Variants in SLC2A9 observed in about 807,000 individuals in gnomAD.
The protein encoded by SLC2A9 is solute carrier family 2 member 9, also known as solute carrier family 2, facilitated glucose transporter member 9.
In SLC2A9, 39 loss-of-function variants were observed where a neutral mutation model predicts 50.6. The ratio of observed to expected loss-of-function variants is 0.77; its 90% CI spans 0.60 to 1.01. SLC2A9 has a LOEUF of 1.01. Ranked by LOEUF, SLC2A9 falls within the 50% of genes least tolerant of loss-of-function variation. The probability of loss-of-function intolerance (pLI) is 0.00; values close to 1 mark genes in which losing one functional copy is unlikely to be tolerated. For missense variants in SLC2A9, 686 were observed against 677.6 expected, an observed-to-expected ratio of 1.01 and a Z score of -0.14; for synonymous variants, 324 against 276.9, an observed-to-expected ratio of 1.17 and a Z score of -1.69.
intron 3 of SLC2A9, among the ~76,000 whole-genome samples, chr4:9,817,074 C>T (rs1279344005): frequency 6.6e-6 from 1 of 152,162 alleles, no homozygotes; most frequent in Non-Finnish European, 1.5e-5. Flanking sequence ...CTTTTTCTCT[C>T]TCTCTCATCT....
intron 2 of SLC2A9, among the ~76,000 whole-genome samples, chr4:10,018,207 C>T (rs1189999766): frequency 1.3e-5 from 2 of 152,196 alleles, no homozygotes; most frequent in Non-Finnish European, 2.9e-5. Context: ...AAAGATGGGT[C>T]TTATCCAGCA....
intron 6 of SLC2A9, among the ~76,000 whole-genome samples, chr4:9,929,887 TG>T (rs1369616636): frequency 7.9e-5 from 12 of 152,166 alleles, no homozygotes; most frequent in Admixed American, 3.9e-4. Context: ...GTCAGCTCCC[TG>T]GTGAAAGCCT....
intron 5 of SLC2A9, among the ~76,000 whole-genome samples, chr4:9,963,294 G>A (rs1307112843): frequency 6.6e-6 from 1 of 152,166 alleles, no homozygotes; most frequent in Non-Finnish European, 1.5e-5. Flanking sequence ...GACACGTGGG[G>A]ATTATTACAA....
At chr4:10,001,268 G>A (rs1392573699) in intron 2 of SLC2A9, among the ~76,000 whole-genome samples, 1 of 152,116 alleles carries the variant, frequency 6.6e-6, no homozygotes, top group Non-Finnish European at 1.5e-5. Flanking sequence ...ATTAAAATGA[G>A]GTCACTAGAG....
intron 7 of SLC2A9, among the ~76,000 whole-genome samples, chr4:9,918,738 A>G (rs142792012): frequency 8.8e-4 from 134 of 152,222 alleles, no homozygotes; most frequent in African/African-American, 2.9e-3. Context: ...TTCTCACTGC[A>G]GGTTTGTGTC....
intron 1 of SLC2A9, among the ~76,000 whole-genome samples, chr4:10,026,759 A>G (rs1763765804): frequency 6.6e-6 from 1 of 152,194 alleles, no homozygotes; most frequent in Non-Finnish European, 1.5e-5. Flanking sequence ...GAACCCAGAC[A>G]CAGGCCGGGC....
rs773969916 is a variant in SLC2A9 at position 9,835,027 on chromosome 4, G to A, written c.1292-19C>T. On this transcript the variant is annotated intron_variant, in intron 10 of 11. Transcript: ENST00000264784. ...ATGCCACCTGCAGTGTGTGAGCCAG[G>A]ACATGGAATTAATCACTCTGAGAAG... 1 of 1,612,648 alleles carries A rather than the reference G, an allele frequency of 6.2e-7. No homozygotes were observed. Among genetic ancestry groups the A allele is most frequent in the Non-Finnish European group, 8.5e-7 (1 of 1,179,876 alleles).
intron 3 of SLC2A9, among the ~76,000 whole-genome samples, chr4:9,817,416 T>C (rs895043088): frequency 3.3e-5 from 5 of 152,196 alleles, no homozygotes; most frequent in African/African-American, 1.2e-4. Context: ...CAGTGGAGAA[T>C]CAAACAGACA....
At chr4:9,820,049 T>C (rs1421760067) in intron 3 of SLC2A9, among the ~76,000 whole-genome samples, 4 of 152,284 alleles carry the variant, frequency 2.6e-5, no homozygotes, top group African/African-American at 9.6e-5. Context: ...TGTTATATCC[T>C]AAAGTCTTTG....
At chr4:9,855,806 C>T (rs1293552492) in intron 10 of SLC2A9, among the ~76,000 whole-genome samples, 1 of 152,058 alleles carries the variant, frequency 6.6e-6, no homozygotes, top group Non-Finnish European at 1.5e-5. Context: ...AGAAAAAAGG[C>T]CACCTACCTA....
chr4:9,778,273 C>A (rs1717846112), downstream of SLC2A9, among the ~76,000 whole-genome samples: 1 of 152,082 alleles, frequency 6.6e-6, no homozygotes, highest in Admixed American at 6.5e-5. Flanking sequence ...ACACATCCCA[C>A]CACGCCTGGC....
Position 9,834,895 on chromosome 4 carries a change from A to G in SLC2A9, c.1405T>C (p.Phe469Leu). 6.2e-7 allele frequency: 1 copy of G among 1,614,148 alleles called. No individual in the cohort carries two copies. Among genetic ancestry groups the G allele is most frequent in the Non-Finnish European group, 8.5e-7 (1 of 1,180,018 alleles). Residue 469 changes from phenylalanine to leucine, a missense_variant, in exon 11 of 12, where the codon TTC becomes CTC. Transcript: ENST00000264784. ...WLSNFAVGLL[F>L]PFIQKSLDTY... Reference sequence around the variant, plus strand: ...GTCAGTCATACCTGAATGAATGGGAAGAGGAGCCCAACAGCAAAGTTGGAG... The same window carrying G: ...GTCAGTCATACCTGAATGAATGGGAGGAGGAGCCCAACAGCAAAGTTGGAG...
chr4:9,772,881 G>A (rs1412356840), intron 1 of SLC2A9, among the ~76,000 whole-genome samples: 1 of 150,748 alleles, frequency 6.6e-6, no homozygotes, highest in Non-Finnish European at 1.5e-5. Flanking sequence ...GTGCAGGTTA[G>A]TTACATATGT....
chr4:9,918,676 G>A (rs1214054451), intron 7 of SLC2A9, among the ~76,000 whole-genome samples: 1 of 152,226 alleles, frequency 6.6e-6, no homozygotes, highest in Non-Finnish European at 1.5e-5. Flanking sequence ...ACTTGATGAG[G>A]TTTGCAGCCC....
At chr4:9,808,176 C>A (rs538906072) in intron 3 of SLC2A9, among the ~76,000 whole-genome samples, 10 of 152,290 alleles carry the variant, frequency 6.6e-5, no homozygotes, top group Admixed American at 5.9e-4. Flanking sequence ...TGTGCTCATT[C>A]TTTTTCTAGC....
At chr4:9,814,872 G>A (rs1397575817) in intron 3 of SLC2A9, among the ~76,000 whole-genome samples, 1 of 151,972 alleles carries the variant, frequency 6.6e-6, no homozygotes, top group African/African-American at 2.4e-5. Context: ...GTACTGGGGG[G>A]CACAGTCCAC....
At chr4:9,946,104 C>T (rs563654503) in intron 5 of SLC2A9, among the ~76,000 whole-genome samples, 4 of 152,180 alleles carry the variant, frequency 2.6e-5, no homozygotes, top group African/African-American at 4.8e-5. Flanking sequence ...TGGTAAAGCC[C>T]TAGAGCGTCC....
intron 3 of SLC2A9, among the ~76,000 whole-genome samples, chr4:9,803,180 C>G (rs1721688796): frequency 6.6e-6 from 1 of 152,178 alleles, no homozygotes; most frequent in African/African-American, 2.4e-5. Context: ...GTTTTCTCAT[C>G]TATTAAATAA....
At chr4:9,789,092 T>G (rs1173488946) in intron 3 of SLC2A9, among the ~76,000 whole-genome samples, 1 of 152,230 alleles carries the variant, frequency 6.6e-6, no homozygotes, top group Admixed American at 6.5e-5. Flanking sequence ...TGCCTATTTA[T>G]GTAGATATAT....
Sources: gnomAD v4.1 joint callset for allele counts (sites outside exome capture counted in the v4.1 genomes callset) on GRCh38, gnomAD v4.1.1 for gene constraint, MANE v1.5 for transcripts, NCBI Gene and HGNC (gene_info 2026-07-23, HGNC 2026-07-21) for gene names.